The following HDAC9 variants were observed in gnomAD, a reference collection of about 807,000 sequenced individuals.
The protein encoded by HDAC9 is MEF-2 interacting transcription repressor (MITR) protein.
In HDAC9, 41 loss-of-function variants were observed where a neutral mutation model predicts 139.4. The observed-to-expected ratio is 0.29, with a 90% confidence interval of 0.23 to 0.38. HDAC9 has a LOEUF of 0.38. Among genes scored for constraint, HDAC9 ranks in the 10% least tolerant of loss-of-function variants. HDAC9 has a pLI of 1.00. For synonymous variants in HDAC9, 517 were observed against 476.2 expected (o/e 1.09, Z -1.12); for missense variants, 1,147 against 1,297.0 (o/e 0.88, Z 1.78).
intron 1 of HDAC9, among the ~76,000 whole-genome samples, chr7:18,333,422 ATAG>A (rs1781352845): frequency 6.6e-6 from 1 of 151,528 alleles, no homozygotes; most frequent in African/African-American, 2.4e-5. Context: ...TCACACACAA[ATAG>A]TAACTATGTG....
chr7:18,283,294 T>C (rs1002920288), intron 2 of HDAC9, among the ~76,000 whole-genome samples: 1 of 152,120 alleles, frequency 6.6e-6, no homozygotes, highest in African/African-American at 2.4e-5. Context: ...CAACCAGATC[T>C]TCTGAGAACT....
At chr7:18,173,540 C>G (rs1005395356) in intron 2 of HDAC9, among the ~76,000 whole-genome samples, 3 of 152,310 alleles carry the variant, frequency 2.0e-5, no homozygotes, top group Non-Finnish European at 2.9e-5. Context: ...GCAGTTTCTT[C>G]CTAGCATTGA....
At chr7:18,328,761 T>C (rs1007788223) in intron 1 of HDAC9, among the ~76,000 whole-genome samples, 1 of 151,942 alleles carries the variant, frequency 6.6e-6, no homozygotes, top group Admixed American at 6.6e-5. Context: ...GTAGTTTATT[T>C]ATTTATTATT....
At chr7:18,746,536 A>G (rs1024246117) in intron 13 of HDAC9, among the ~76,000 whole-genome samples, 1 of 152,220 alleles carries the variant, frequency 6.6e-6, no homozygotes, top group African/African-American at 2.4e-5. Context: ...TATTAGAAGC[A>G]CTTAGGGTAG....
chr7:18,928,758 T>C (rs148053751), intron 22 of HDAC9, among the ~76,000 whole-genome samples: 104 of 152,250 alleles, frequency 6.8e-4, no homozygotes, highest in African/African-American at 2.2e-3. Context: ...AAAGGTAGAA[T>C]TGGCTATTTC....
intron 12 of HDAC9, among the ~76,000 whole-genome samples, chr7:18,709,368 A>G (rs1784178915): frequency 6.6e-6 from 1 of 152,172 alleles, no homozygotes; most frequent in East Asian, 1.9e-4. Context: ...CCTGAAAAGG[A>G]CATGATCTCA....
intron 6 of HDAC9, among the ~76,000 whole-genome samples, chr7:18,627,494 G>A (rs968047671): frequency 5.9e-5 from 9 of 152,110 alleles, no homozygotes; most frequent in African/African-American, 2.2e-4. Flanking sequence ...TATTTTTGAA[G>A]TAATTTAAAA....
At chr7:18,243,709 A>G (rs1037576139) in intron 2 of HDAC9, among the ~76,000 whole-genome samples, 2 of 152,260 alleles carry the variant, frequency 1.3e-5, no homozygotes, top group Non-Finnish European at 2.9e-5. Context: ...TGAATGAAAC[A>G]TGGAGCTGTT....
At chr7:18,987,724 G>A (rs1197726046) in intron 25 of HDAC9, among the ~76,000 whole-genome samples, 1 of 151,908 alleles carries the variant, frequency 6.6e-6, no homozygotes, top group East Asian at 1.9e-4. Context: ...GTAAGCTATT[G>A]ATTATTGCCA....
intron 22 of HDAC9, among the ~76,000 whole-genome samples, chr7:18,900,045 C>T (rs1297282907): frequency 3.9e-5 from 6 of 152,064 alleles, no homozygotes; most frequent in East Asian, 3.9e-4. Flanking sequence ...ACTGGTCACA[C>T]GATATATTCA....
chr7:18,753,993 A>G (rs1267943590), intron 14 of HDAC9, among the ~76,000 whole-genome samples: 1 of 152,116 alleles, frequency 6.6e-6, no homozygotes, highest in East Asian at 1.9e-4. Flanking sequence ...TTTGTAAGCT[A>G]TAGTGTAAAT....
At chr7:18,566,619 G>A (rs112101105) in intron 2 of HDAC9, among the ~76,000 whole-genome samples, 6 of 152,300 alleles carry the variant, frequency 3.9e-5, no homozygotes, top group African/African-American at 9.6e-5. Context: ...TTATACATGA[G>A]AAACCCAGGA....
chr7:18,800,052 A>C (rs1302458233), intron 17 of HDAC9, among the ~76,000 whole-genome samples: 1 of 152,190 alleles, frequency 6.6e-6, no homozygotes, highest in African/African-American at 2.4e-5. Context: ...ATCCTCAATA[A>C]AATCAACAAC....
chr7:18,231,496 A>G (rs1454401016), intron 2 of HDAC9, among the ~76,000 whole-genome samples: 3 of 152,168 alleles, frequency 2.0e-5, no homozygotes, highest in Admixed American at 2.0e-4. Context: ...TAAGTATTCA[A>G]GAATCCCTTA....
At chr7:18,813,016 T>C (rs762285673) in intron 17 of HDAC9, among the ~76,000 whole-genome samples, 4 of 152,130 alleles carry the variant, frequency 2.6e-5, no homozygotes, top group Non-Finnish European at 5.9e-5. Context: ...TTTCCAGTTC[T>C]CTTTTGAAAT....
chr7:18,435,294 C>A (rs1431871559), intron 1 of HDAC9, among the ~76,000 whole-genome samples: 1 of 151,858 alleles, frequency 6.6e-6, no homozygotes, highest in East Asian at 2.0e-4. Context: ...TGAAAAACTA[C>A]CTATCAGGTG....
At chr7:18,567,316 C>T (rs1822685420) in intron 2 of HDAC9, among the ~76,000 whole-genome samples, 1 of 152,168 alleles carries the variant, frequency 6.6e-6, no homozygotes, top group Non-Finnish European at 1.5e-5. Context: ...ACCTGAATAA[C>T]AACCCCTATA....
At chr7:18,692,604 G>A (rs1429548000) in intron 12 of HDAC9, among the ~76,000 whole-genome samples, 2 of 151,936 alleles carry the variant, frequency 1.3e-5, no homozygotes, top group Non-Finnish European at 2.9e-5. Flanking sequence ...ACTAAGTTTG[G>A]GGTTTCTTGT....
chr7:18,297,703 T>C (rs1242428038), intron 1 of HDAC9, among the ~76,000 whole-genome samples: 1 of 152,190 alleles, frequency 6.6e-6, no homozygotes, highest in Non-Finnish European at 1.5e-5. Context: ...CAAAGGAGTT[T>C]AGTCATCAGA....
Sources: gnomAD v4.1 joint callset for allele counts (sites outside exome capture counted in the v4.1 genomes callset) on GRCh38, gnomAD v4.1.1 for gene constraint, MANE v1.5 for transcripts, NCBI Gene and HGNC (gene_info 2026-07-23, HGNC 2026-07-21) for gene names.